HDAC9: variants seen among roughly 807,000 people sequenced by gnomAD.
The protein encoded by HDAC9 is histone deacetylase 9.
In HDAC9, 41 loss-of-function variants were observed where a neutral mutation model predicts 139.4. The observed-to-expected ratio is 0.29, with a 90% confidence interval of 0.23 to 0.38. The LOEUF is 0.38. Ranked by LOEUF, HDAC9 falls within the 10% of genes least tolerant of loss-of-function variation. The pLI, the probability that HDAC9 is intolerant of heterozygous loss-of-function variation, is 1.00. For synonymous variants in HDAC9, 517 were observed against 476.2 expected (o/e 1.09, Z -1.12); for missense variants, 1,147 against 1,297.0 (o/e 0.88, Z 1.78).
At chr7:18,228,251 C>T (rs923288509) in intron 2 of HDAC9, among the ~76,000 whole-genome samples, 1 of 150,546 alleles carries the variant, frequency 6.6e-6, no homozygotes, top group Non-Finnish European at 1.5e-5. Flanking sequence ...CTATTGTTGC[C>T]AAGTCATTTT....
At chr7:18,502,615 A>T (rs1798686707) in intron 2 of HDAC9, 1 of 152,198 alleles carries the variant, frequency 6.6e-6, no homozygotes, top group South Asian at 2.1e-4. Flanking sequence ...TTTCATGAAG[A>T]TAATATATCT....
At chr7:18,761,010 G>T (rs1282791602) in intron 14 of HDAC9, among the ~76,000 whole-genome samples, 1 of 152,212 alleles carries the variant, frequency 6.6e-6, no homozygotes, top group Non-Finnish European at 1.5e-5. Context: ...TGAAAGGACA[G>T]CATTCCCTGA....
intron 12 of HDAC9, among the ~76,000 whole-genome samples, chr7:18,720,148 G>T (rs1470354008): frequency 4.0e-5 from 6 of 151,830 alleles, no homozygotes; most frequent in East Asian, 1.9e-4. Flanking sequence ...GGGTAGAAAT[G>T]GTAGTATCTA....
At chr7:18,180,831 A>C (rs1789362947) in intron 2 of HDAC9, among the ~76,000 whole-genome samples, 1 of 152,178 alleles carries the variant, frequency 6.6e-6, no homozygotes, top group Admixed American at 6.5e-5. Context: ...ACTGGGCTGA[A>C]ATGAAGGTGT....
intron 1 of HDAC9, among the ~76,000 whole-genome samples, chr7:18,333,719 T>A (rs680416): frequency 0.82 from 124,181 of 151,274 alleles, 51,362 homozygotes; most frequent in Non-Finnish European, 0.87. Context: ...ATCATTTAGG[T>A]ATTTTTTAAG....
At chr7:18,347,059 T>G (rs1782471894) in intron 1 of HDAC9, among the ~76,000 whole-genome samples, 3 of 152,230 alleles carry the variant, frequency 2.0e-5, no homozygotes, top group African/African-American at 7.2e-5. Context: ...TGTTCATATT[T>G]GTTTTCTGCA....
intron 17 of HDAC9, among the ~76,000 whole-genome samples, chr7:18,802,590 A>C (rs1363589760): frequency 6.6e-6 from 1 of 151,738 alleles, no homozygotes; most frequent in East Asian, 1.9e-4. Flanking sequence ...TATAATGGCT[A>C]TTTAAAAATG....
intron 17 of HDAC9, among the ~76,000 whole-genome samples, chr7:18,794,374 A>G (rs138425964): frequency 2.2e-3 from 328 of 152,316 alleles, no homozygotes; most frequent in African/African-American, 7.8e-3. Context: ...TTTTTATTCA[A>G]TTACATGGGA....
At chr7:18,800,870 C>CA (rs1224729985) in intron 17 of HDAC9, among the ~76,000 whole-genome samples, 2 of 151,728 alleles carry the variant, frequency 1.3e-5, no homozygotes, top group Non-Finnish European at 2.9e-5. Flanking sequence ...TCTCCAAAGA[C>CA]AAAAAATATA....
At chr7:18,439,882 TGTG>T (rs879665136) in intron 1 of HDAC9, among the ~76,000 whole-genome samples, 3 of 152,176 alleles carry the variant, frequency 2.0e-5, no homozygotes, top group Admixed American at 2.0e-4. Flanking sequence ...TATTATGGGT[TGTG>T]GTAAAAAAAT....
intron 1 of HDAC9, among the ~76,000 whole-genome samples, chr7:18,299,383 C>T (rs1432080486): frequency 1.3e-5 from 2 of 152,166 alleles, no homozygotes; most frequent in Admixed American, 6.5e-5. Flanking sequence ...CATCAAGAAG[C>T]GTAATGGACC....
chr7:18,654,613 T>G (rs115355510), intron 11 of HDAC9, among the ~76,000 whole-genome samples: 1,863 of 152,234 alleles, frequency 0.012, 30 homozygotes, highest in African/African-American at 0.042. Context: ...CATTTGTGCT[T>G]ATGATTACAG....
chr7:18,926,775 A>G (rs779272698), intron 22 of HDAC9, among the ~76,000 whole-genome samples: 1 of 152,122 alleles, frequency 6.6e-6, no homozygotes, highest in Non-Finnish European at 1.5e-5. Flanking sequence ...GTTGTTTCAG[A>G]CTTTTTTTAG....
At chr7:18,372,367 C>G (rs1784658074) in intron 1 of HDAC9, among the ~76,000 whole-genome samples, 1 of 152,222 alleles carries the variant, frequency 6.6e-6, no homozygotes, top group Non-Finnish European at 1.5e-5. Context: ...CCAAGAGCTT[C>G]TCAAACCTCC....
At chr7:18,309,082 G>C (rs535349509) in intron 1 of HDAC9, among the ~76,000 whole-genome samples, 1 of 152,244 alleles carries the variant, frequency 6.6e-6, no homozygotes, top group South Asian at 2.1e-4. Flanking sequence ...ACATTTCAAT[G>C]CATAATTGTG....
intron 2 of HDAC9, among the ~76,000 whole-genome samples, chr7:18,555,969 AT>A (rs1181098616): frequency 6.6e-6 from 1 of 151,832 alleles, no homozygotes; most frequent in Non-Finnish European, 1.5e-5. Context: ...TCTCACAGTG[AT>A]TTTTTTCTAC....
intron 23 of HDAC9, chr7:18,949,630 TA>T (rs138049146): frequency 0.046 from 7,542 of 162,692 alleles, 224 homozygotes; most frequent in Middle Eastern, 0.09. Context: ...TGGCCATTCT[TA>T]AAGAAAACTG....
rs36014102 is a variant in HDAC9 at position 18,697,799 on chromosome 7, A to AT, written c.1732-29770dup. 1.0e-3 allele frequency among the ~76,000 whole-genome samples: 149 copies of AT among 148,640 alleles called. 1 individual carries two copies. The highest frequency in any genetic ancestry group is 4.8e-3 in the Admixed American group (72 of 14,926). On this transcript the variant is annotated intron_variant, in intron 12 of 25. Coordinates refer to ENST00000686413, the MANE Select transcript of HDAC9 (RefSeq NM_178425.4). Reference sequence around the variant, plus strand: ...GGATCGAAATGGAAGTAAACAGTAGATTTTTTTTTTTGTTATGCTCATGAC... The same window carrying AT: ...GGATCGAAATGGAAGTAAACAGTAGATTTTTTTTTTTTGTTATGCTCATGAC...
chr7:18,649,713 G>A (rs1306554910), intron 11 of HDAC9, among the ~76,000 whole-genome samples: 1 of 152,094 alleles, frequency 6.6e-6, no homozygotes, highest in African/African-American at 2.4e-5. Context: ...ATCACTTGCT[G>A]GTTTTATGGC....
Sources: allele counts gnomAD v4.1 joint callset (sites outside exome capture counted in the v4.1 genomes callset), GRCh38; gene constraint gnomAD v4.1.1; transcripts MANE v1.5; gene names NCBI Gene and HGNC (gene_info 2026-07-23, HGNC 2026-07-21).